SERPINB9: variants seen among roughly 807,000 people sequenced by gnomAD.
SERPINB9 encodes serpin family B member 9.
Under a neutral mutation model 27.2 loss-of-function variants are expected in SERPINB9, and 20 were observed. The ratio of observed to expected loss-of-function variants is 0.74; its 90% CI spans 0.52 to 1.07. The LOEUF (loss-of-function observed/expected upper bound fraction) is 1.07. Among genes scored for constraint, SERPINB9 ranks in the 50% least tolerant of loss-of-function variants. SERPINB9 has a pLI of 0.00. For synonymous variants in SERPINB9, 189 were observed against 180.0 expected (o/e 1.05, Z -0.40); for missense variants, 476 against 460.1 (o/e 1.03, Z -0.32).
intron 1 of SERPINB9, among the ~76,000 whole-genome samples, chr6:2,901,917 A>G (rs371122746): frequency 6.6e-6 from 1 of 151,806 alleles, no homozygotes; most frequent in South Asian, 2.1e-4. Context: ...GACAATGAAC[A>G]CAACCCACTC....
rs934171892 is a variant in SERPINB9, at chr6:2,894,943, G to T, written c.424+448C>A. Among the ~76,000 whole-genome samples, 13 of 147,434 alleles carry T rather than the reference G, an allele frequency of 8.8e-5. No homozygotes were observed. Among genetic ancestry groups the T allele is most frequent in the South Asian group, 8.3e-4 (4 of 4,802 alleles). On this transcript the variant is annotated intron_variant, in intron 4 of 6. Transcript: ENST00000380698. This position sits in a 1 kb window ranked among gnomAD's most constrained non-coding sequence, Gnocchi z 4.7. ...TATTTTTAGTAGAGATGTTGGGCGG[G>T]GGGGGGTCCCACCATGTTGGTCAGG... is the stretch of plus-strand genomic sequence containing the variant.
At position 2,901,801 on chromosome 6, in the gene SERPINB9, G is replaced by T. The variant is rs1768212999; in HGVS notation, c.-10-1180C>A. Among the ~76,000 whole-genome samples the T allele has an allele frequency of 3.3e-5, 5 of 151,434 alleles. No homozygotes were observed. In the South Asian group the frequency reaches 1.0e-3, roughly 32 times the overall value. On this transcript the variant is annotated intron_variant, in intron 1 of 6. Transcript: ENST00000380698. ...CTTCGGATTCTGTGCCTGGTCTAAT[G>T]CCCAGGCCCCCTCCCGAGCCTCTGG...
At chr6:2,900,680 A>T (rs1768168326) in intron 1 of SERPINB9, 59 bp from the exon 2 acceptor site, 2 of 1,443,426 alleles carry the variant, frequency 1.4e-6, no homozygotes, top group Non-Finnish European at 1.9e-6. Flanking sequence ...TTACTGACCT[A>T]CTTACTACAG....
At position 2,890,304 on chromosome 6, in the gene SERPINB9, C is replaced by T. The variant is rs550196079; in HGVS notation, c.990G>A (p.Ala330=). 14 of 1,614,216 alleles carry T rather than the reference C, an allele frequency of 8.7e-6. No homozygotes were observed. Among genetic ancestry groups the T allele is most frequent in the African/African-American group, 6.7e-5 (5 of 75,044 alleles). Residue 330 remains alanine (A), a synonymous_variant, in exon 7 of 7, where the codon GCG becomes GCA. Transcript: ENST00000380698. The surrounding 1 kb of genome is among the most constrained non-coding windows in gnomAD (Gnocchi z 6.2). ...CAACTACAAAGCAGCTCGACGCTGC[C>T]GCTGCCTCGGTGCCTTCTTCATTCA... The part of the protein sequence containing the change: ...VEVNEEGTEA[A]AASSCFVVAE...
chr6:2,902,216 TCA>T (rs1768229241), intron 1 of SERPINB9, among the ~76,000 whole-genome samples: 1 of 152,152 alleles, frequency 6.6e-6, no homozygotes, highest in South Asian at 2.1e-4. Flanking sequence ...TTAATTCCAC[TCA>T]CCCTCAAACA....
Position 2,887,838 on chromosome 6 carries a change from C to A in SERPINB9, c.*2325G>T, listed in dbSNP as rs1767648075. 3 of 122,268 alleles carry A rather than the reference C, an allele frequency of 2.5e-5. No individual in the cohort carries two copies. Among genetic ancestry groups the A allele is most frequent in the Admixed American group, 9.5e-5 (1 of 10,492 alleles). 7.6% of individuals were successfully genotyped at this position (122,268 alleles called of 1,614,324 possible). ...CTCCAGCCTGGGTGACAGAGTGAGGCACTGTCTCAAAAAAAAAAAAAAAAA... is the reference window on the plus strand; with the variant it reads ...CTCCAGCCTGGGTGACAGAGTGAGGAACTGTCTCAAAAAAAAAAAAAAAAA... On this transcript the variant is annotated 3_prime_UTR_variant, in exon 7 of 7. Coordinates refer to ENST00000380698, the MANE Select transcript of SERPINB9 (RefSeq NM_004155.6).
At position 2,889,276 on chromosome 6, in the gene SERPINB9, T is replaced by C. The variant is rs958571045; in HGVS notation, c.*887A>G. ...CAACCTGGTCATTGTCAAAACTATATACGTTGGGCACAGAACTGAAGACCA... is the reference window on the plus strand; with the variant it reads ...CAACCTGGTCATTGTCAAAACTATACACGTTGGGCACAGAACTGAAGACCA... On this transcript the variant is annotated 3_prime_UTR_variant, in exon 7 of 7. Coordinates refer to ENST00000380698, the MANE Select transcript of SERPINB9 (RefSeq NM_004155.6). 4 of 152,380 alleles carry C rather than the reference T, an allele frequency of 2.6e-5. No individual in the cohort carries two copies. The highest frequency in any genetic ancestry group is 9.6e-5 in the African/African-American group (4 of 41,576). The allele number at this position is 152,380 out of a possible 1,614,324, so 9.4% of individuals were successfully genotyped here.
chr6:2,902,204 C>G (rs113846396), intron 1 of SERPINB9, among the ~76,000 whole-genome samples: 3,482 of 152,278 alleles, frequency 0.023, 126 homozygotes, highest in African/African-American at 0.08. Context: ...TCCATCACGG[C>G]ATTAATTCCA....
At chr6:2,892,702 G>T (rs926557809) in intron 5 of SERPINB9, among the ~76,000 whole-genome samples, 1 of 152,040 alleles carries the variant, frequency 6.6e-6, no homozygotes, top group Non-Finnish European at 1.5e-5. Flanking sequence ...TGCAACTAGA[G>T]AACTAATTTT....
chr6:2,889,531 T>TA lies in SERPINB9; in HGVS notation c.*631dup. 6.7e-6 allele frequency: 1 copy of TA among 149,836 alleles called. No individual in the cohort carries two copies. The highest frequency in any genetic ancestry group is 1.5e-5 in the Non-Finnish European group (1 of 67,868). The allele number at this position is 149,836 out of a possible 1,614,324, so 9.3% of individuals were successfully genotyped here. A position where few individuals can be genotyped will look rare whatever the true frequency, so the allele number is the denominator to read the frequency against. On this transcript the variant is annotated 3_prime_UTR_variant, in exon 7 of 7. Coordinates refer to ENST00000380698, the MANE Select transcript of SERPINB9 (RefSeq NM_004155.6). Reference sequence around the variant, plus strand: ...TAACACGGTGAAACCCCGTCTCTACTAAAAATACAAAAAATTAGCCGGGCG... The same window carrying TA: ...TAACACGGTGAAACCCCGTCTCTACTAAAAAATACAAAAAATTAGCCGGGCG...
intron 2 of SERPINB9, among the ~76,000 whole-genome samples, chr6:2,896,527 A>C (rs1323824198): frequency 6.6e-6 from 1 of 152,258 alleles, no homozygotes; most frequent in Non-Finnish European, 1.5e-5. Context: ...AATCATCAGA[A>C]TCCTCAAAAG....
chr6:2,893,613 T>G, intron 4 of SERPINB9, 60 bp from the exon 5 acceptor site: 2 of 1,420,490 alleles, frequency 1.4e-6, no homozygotes, highest in Non-Finnish European at 1.9e-6. Flanking sequence ...ATGCATTGGA[T>G]GATCCTGGAT....
Position 2,887,711 on chromosome 6 carries a change from A to G in SERPINB9, c.*2452T>C, listed in dbSNP as rs318480. On this transcript the variant is annotated 3_prime_UTR_variant, in exon 7 of 7. Coordinates refer to ENST00000380698, the MANE Select transcript of SERPINB9 (RefSeq NM_004155.6). ...AAAAATACAAAATTAGCTGGGTGTG[A>G]TGGTGGGTGCTTGTAGTCTCAGCTA... 74,975 of 151,398 alleles carry G rather than the reference A, an allele frequency of 0.5. 19,463 individuals are homozygous for G. Among genetic ancestry groups the G allele is most frequent in the East Asian group, 0.74 (3,792 of 5,144 alleles). The allele number at this position is 151,398 out of a possible 1,614,324, so 9.4% of individuals were successfully genotyped here. A position where few individuals can be genotyped will look rare whatever the true frequency, so the allele number is the denominator to read the frequency against.
At position 2,889,632 on chromosome 6, in the gene SERPINB9, T is replaced by C. The variant is rs564353798; in HGVS notation, c.*531A>G. 6.0e-5 allele frequency: 9 copies of C among 150,092 alleles called. No individual in the cohort carries two copies. Among genetic ancestry groups the C allele is most frequent in the East Asian group, 3.9e-4 (2 of 5,110 alleles). The allele number at this position is 150,092 out of a possible 1,614,324, so 9.3% of individuals were successfully genotyped here. A position where few individuals can be genotyped will look rare whatever the true frequency, so the allele number is the denominator to read the frequency against. On this transcript the variant is annotated 3_prime_UTR_variant, in exon 7 of 7. Coordinates refer to ENST00000380698, the MANE Select transcript of SERPINB9 (RefSeq NM_004155.6). ...ATGGCGTGAACCCGGGAGGCGGAGC[T>C]TGCAGTGAGCCGAGATCGAGCCACT...
Position 2,890,431 on chromosome 6 carries a change from C to T in SERPINB9, c.863G>A (p.Gly288Glu), listed in dbSNP as rs765018664. The part of the protein sequence containing the change: ...YDMESVLRHL[G>E]IVDAFQQGKA... ...GCCCTGTTGGAAGGCATCAACAATTCCCAAATGCCGAAGCACAGATTCCAT... is the reference window on the plus strand; with the variant it reads ...GCCCTGTTGGAAGGCATCAACAATTTCCAAATGCCGAAGCACAGATTCCAT... Residue 288 changes from glycine to glutamate, a missense_variant, in exon 7 of 7, where the codon GGA (glycine) becomes GAA (glutamate). Physicochemically the swap from Gly to Glu is moderately conservative, Grantham distance 98. Coordinates refer to ENST00000380698, the MANE Select transcript of SERPINB9 (RefSeq NM_004155.6). This position sits in a 1 kb window ranked among gnomAD's most constrained non-coding sequence, Gnocchi z 6.2. 5.0e-6 allele frequency: 8 copies of T among 1,614,202 alleles called. No individual in the cohort carries two copies. The South Asian group carries it at 8.8e-5, about 18-fold the overall frequency.
chr6:2,902,179 T>C (rs1368702943), intron 1 of SERPINB9, among the ~76,000 whole-genome samples: 1 of 152,190 alleles, frequency 6.6e-6, no homozygotes, highest in Non-Finnish European at 1.5e-5. Flanking sequence ...TTGGTCCCCC[T>C]TAGAAGGCCC....
rs1418950574 is a variant in SERPINB9 at position 2,894,777 on chromosome 6, GT to G, written c.424+613del. On this transcript the variant is annotated intron_variant, in intron 4 of 6. Transcript: ENST00000380698. The surrounding 1 kb of genome is among the most constrained non-coding windows in gnomAD (Gnocchi z 4.7). Reference sequence around the variant, plus strand: ...ACATTTGTTTTTTTGTTTGTTTTTTGTTTTTGAGACAGGCTGGAGTTCAGTG... The same window carrying G: ...ACATTTGTTTTTTTGTTTGTTTTTTGTTTTGAGACAGGCTGGAGTTCAGTG... 6.6e-6 allele frequency among the ~76,000 whole-genome samples: 1 copy of G among 152,028 alleles called. No individual in the cohort carries two copies. Among genetic ancestry groups the G allele is most frequent in the Non-Finnish European group, 1.5e-5 (1 of 67,986 alleles).
At chr6:2,902,581 G>A (rs1462751444) in intron 1 of SERPINB9, among the ~76,000 whole-genome samples, 17 of 152,126 alleles carry the variant, frequency 1.1e-4, no homozygotes, top group Admixed American at 1.0e-3. Flanking sequence ...GTGCAGTGGC[G>A]CAATCCCAGC....
chr6:2,892,218 G>C (rs1162673013), intron 5 of SERPINB9, among the ~76,000 whole-genome samples: 1 of 148,466 alleles, frequency 6.7e-6, no homozygotes, highest in Admixed American at 6.7e-5. Context: ...AATAAAATGT[G>C]ATACCCTACA....
Sources: allele counts gnomAD v4.1 joint callset (sites outside exome capture counted in the v4.1 genomes callset), GRCh38; gene constraint gnomAD v4.1.1; non-coding constraint Gnocchi (gnomAD v3.1); transcripts MANE v1.5; gene names NCBI Gene and HGNC (gene_info 2026-07-23, HGNC 2026-07-21).